Variants in GDAP1L1 observed in about 807,000 individuals in gnomAD.
GDAP1L1 encodes the protein ganglioside-induced differentiation-associated protein 1-like 1.
Under a neutral mutation model 37.1 loss-of-function variants are expected in GDAP1L1, and 21 were observed. The observed-to-expected ratio is 0.57, with a 90% CI of 0.40 to 0.81. The LOEUF (loss-of-function observed/expected upper bound fraction) is 0.81, where lower values mean the gene tolerates loss of function less well. Ranked by LOEUF, GDAP1L1 falls within the 40% of genes least tolerant of loss-of-function variation. The pLI, the probability that GDAP1L1 is intolerant of heterozygous loss-of-function variation, is 0.00. For missense variants in GDAP1L1, 362 were observed against 491.6 expected (o/e 0.74, Z 2.49); for synonymous variants, 193 against 209.1 (o/e 0.92, Z 0.67).
chr20:44,269,759 G>C (rs1216086090), intron 5 of GDAP1L1, among the ~76,000 whole-genome samples: 1 of 152,150 alleles, frequency 6.6e-6, no homozygotes, highest in South Asian at 2.1e-4. Context: ...GTGAAACCCT[G>C]TCTCTACTAA....
At chr20:44,253,519 C>T (rs2073483684) in intron 1 of GDAP1L1, among the ~76,000 whole-genome samples, 1 of 152,236 alleles carries the variant, frequency 6.6e-6, no homozygotes, top group Non-Finnish European at 1.5e-5. Flanking sequence ...ATCACATAAA[C>T]AAGGGCCTGG....
chr20:44,264,102 C>T (rs1462224070), intron 4 of GDAP1L1, among the ~76,000 whole-genome samples: 1 of 152,138 alleles, frequency 6.6e-6, no homozygotes, highest in Non-Finnish European at 1.5e-5. Flanking sequence ...ACATTGGCTA[C>T]AGATTGTTGG....
chr20:44,276,460 G>GAAAGAA (rs1555801215), intron 5 of GDAP1L1, among the ~76,000 whole-genome samples: 16 of 150,714 alleles, frequency 1.1e-4, no homozygotes, highest in African/African-American at 2.9e-4. Context: ...AAGAAAGAAA[G>GAAAGAA]AAAGAAAAAG....
chr20:44,267,947 G>A (rs180699866), intron 5 of GDAP1L1, among the ~76,000 whole-genome samples: 14 of 152,320 alleles, frequency 9.2e-5, no homozygotes, highest in Middle Eastern at 3.4e-3. Flanking sequence ...AAGATGGAGA[G>A]GTGTCGACAG....
intron 2 of GDAP1L1, among the ~76,000 whole-genome samples, chr20:44,257,701 T>C (rs2073587584): frequency 6.6e-6 from 1 of 151,590 alleles, no homozygotes; most frequent in South Asian, 2.1e-4. Flanking sequence ...GACCACCCTC[T>C]AGGTCCCCAC....
chr20:44,279,129 C>A lies in GDAP1L1; in HGVS notation c.933C>A (p.Phe311Leu). ...FFERVQRRFAFRKVLGDIHTT... is the reference protein window; with the variant it reads ...FFERVQRRFALRKVLGDIHTT... ...AGAGGGTCCAGAGACGCTTTGCCTTCCGGAAAGTCCTGGGTGACATCCACA... is the reference window on the plus strand; with the variant it reads ...AGAGGGTCCAGAGACGCTTTGCCTTACGGAAAGTCCTGGGTGACATCCACA... The change falls in exon 6 of 6, where the codon TTC becomes TTA. Residue 311 changes from phenylalanine (F) to leucine (L), a missense_variant. Coordinates refer to ENST00000342560, the MANE Select transcript of GDAP1L1 (RefSeq NM_024034.6). 1 of 1,614,186 alleles carries A rather than the reference C, an allele frequency of 6.2e-7. No homozygotes were observed. Among genetic ancestry groups the A allele is most frequent in the Non-Finnish European group, 8.5e-7 (1 of 1,180,026 alleles).
At chr20:44,258,268 G>A (rs1462718734) in intron 2 of GDAP1L1, 166 bp from the exon 3 acceptor site, 2 of 747,118 alleles carry the variant, frequency 2.7e-6, no homozygotes, top group Non-Finnish European at 4.9e-6. Context: ...GAGGAGAGAT[G>A]GCCGGGCCAC....
At chr20:44,260,785 G>A (rs968914150) in intron 3 of GDAP1L1, among the ~76,000 whole-genome samples, 1 of 152,170 alleles carries the variant, frequency 6.6e-6, no homozygotes, top group Admixed American at 6.5e-5. Flanking sequence ...CCCAAGGTGG[G>A]GTGGAAATGG....
chr20:44,280,003 C>T lies in GDAP1L1; in HGVS notation c.*703C>T, dbSNP rs115589314. 5.0e-3 allele frequency: 1,723 copies of T among 344,616 alleles called. 35 individuals are homozygous for T. The highest frequency in any genetic ancestry group is 0.035 in the African/African-American group (1,632 of 46,692). The allele number at this position is 344,616 out of a possible 1,614,324, so 21.3% of individuals were successfully genotyped here. A position where few individuals can be genotyped will look rare whatever the true frequency, so the allele number is the denominator to read the frequency against. Reference sequence around the variant, plus strand: ...ATCTCTGAAGGCAGCAGCCATCATCCTCTTCCTACCTTGAGTTTTTCTACC... The same window carrying T: ...ATCTCTGAAGGCAGCAGCCATCATCTTCTTCCTACCTTGAGTTTTTCTACC... On this transcript the variant is annotated 3_prime_UTR_variant, in exon 6 of 6. Transcript: ENST00000342560.
upstream of GDAP1L1, chr20:44,247,235 G>T: frequency 8.5e-7 from 1 of 1,180,754 alleles, no homozygotes; most frequent in Non-Finnish European, 1.2e-6. Context: ...CGGGGAGGGA[G>T]GGAGGAGAGG....
chr20:44,249,202 A>C (rs1478376114), intron 1 of GDAP1L1, among the ~76,000 whole-genome samples: 2 of 151,808 alleles, frequency 1.3e-5, no homozygotes, highest in South Asian at 2.1e-4. Flanking sequence ...CACCCGGCTA[A>C]TTTTTTTATA....
At chr20:44,273,302 G>A (rs2062539650) in intron 5 of GDAP1L1, among the ~76,000 whole-genome samples, 1 of 152,042 alleles carries the variant, frequency 6.6e-6, no homozygotes, top group Non-Finnish European at 1.5e-5. Flanking sequence ...CTATCTCTTG[G>A]GCTGCTTCTT....
Position 44,258,619 on chromosome 20 carries a change from G to A in GDAP1L1, c.547+12G>A, listed in dbSNP as rs551523221. 33 of 1,585,664 alleles carry A rather than the reference G, an allele frequency of 2.1e-5. No individual in the cohort carries two copies. The South Asian group carries it at 3.7e-4, about 18-fold the overall frequency. On this transcript the variant is annotated intron_variant, in intron 3 of 5. Coordinates refer to ENST00000342560, the MANE Select transcript of GDAP1L1 (RefSeq NM_024034.6). The stretch of plus-strand genomic sequence containing the variant: ...GGCCGAGATCCGCAGTGAGTGCCAG[G>A]GCGGCGAGACAGCCCCTCTGCTTTC...
intron 3 of GDAP1L1, among the ~76,000 whole-genome samples, chr20:44,259,841 C>T (rs1265920604): frequency 6.6e-6 from 1 of 152,108 alleles, no homozygotes; most frequent in Non-Finnish European, 1.5e-5. Context: ...GCAACAGCCC[C>T]CTCAACAACA....
At chr20:44,264,303 A>G in intron 4 of GDAP1L1, 142 bp from the exon 5 acceptor site, 3 of 1,206,018 alleles carry the variant, frequency 2.5e-6, no homozygotes, top group Non-Finnish European at 3.1e-6. Flanking sequence ...AGGGTGCTTC[A>G]TAACGGGGGG....
chr20:44,247,628 T>G (rs963140894), intron 1 of GDAP1L1, 114 bp downstream of exon 1: 3 of 1,021,572 alleles, frequency 2.9e-6, no homozygotes, highest in Non-Finnish European at 4.1e-6. Flanking sequence ...ACCTGGGGTT[T>G]GGGGGTCCCG....
intron 1 of GDAP1L1, among the ~76,000 whole-genome samples, chr20:44,250,415 A>G (rs2073418617): frequency 6.6e-6 from 1 of 152,214 alleles, no homozygotes; most frequent in South Asian, 2.1e-4. Context: ...ATCCATGTCA[A>G]TCACCTAGAA....
rs557109785 is a variant in GDAP1L1 at position 44,256,664 on chromosome 20, A to G, written c.181-489A>G. 7.9e-5 allele frequency among the ~76,000 whole-genome samples: 12 copies of G among 151,844 alleles called. No homozygotes were observed. In the South Asian group the frequency reaches 2.5e-3, roughly 32 times the overall value. On this transcript the variant is annotated intron_variant, in intron 1 of 5. Coordinates refer to ENST00000342560, the MANE Select transcript of GDAP1L1 (RefSeq NM_024034.6). The stretch of plus-strand genomic sequence containing the variant: ...AATAGAGCAAGACTCTGTCTTAAAA[A>G]AAAGGGGAAAAAAAAAAGTTTCTGT...
chr20:44,249,521 C>T (rs1159326928), intron 1 of GDAP1L1, among the ~76,000 whole-genome samples: 1 of 152,214 alleles, frequency 6.6e-6, no homozygotes, highest in Non-Finnish European at 1.5e-5. Flanking sequence ...CCCGCTAGAA[C>T]CTCAGGAAGT....
Sources: allele counts gnomAD v4.1 joint callset (sites outside exome capture counted in the v4.1 genomes callset), GRCh38; gene constraint gnomAD v4.1.1; transcripts MANE v1.5; gene names NCBI Gene and HGNC (gene_info 2026-07-23, HGNC 2026-07-21).